Variants in NUP58 observed in about 807,000 individuals in gnomAD.
NUP58 encodes nucleoporin p58/p45.
Under a neutral mutation model 70.1 loss-of-function variants are expected in NUP58, and 17 were observed. The observed-to-expected ratio is 0.24, with a 90% CI of 0.17 to 0.36. NUP58 has a LOEUF of 0.36. Ranked by LOEUF, NUP58 falls within the 10% of genes least tolerant of loss-of-function variation. The probability of loss-of-function intolerance (pLI) is 1.00; values close to 1 mark genes in which losing one functional copy is unlikely to be tolerated. For synonymous variants in NUP58, 275 were observed against 257.6 expected (o/e 1.07, Z -0.65); for missense variants, 644 against 701.5 (o/e 0.92, Z 0.93).
chr13:25,306,708 T>C (rs2137716292), intron 1 of NUP58, among the ~76,000 whole-genome samples: 1 of 152,358 alleles, frequency 6.6e-6, no homozygotes. Flanking sequence ...TTTGGAAGTG[T>C]CAACTTGTCA....
At chr13:25,318,621 A>G (rs927427684) in intron 6 of NUP58, among the ~76,000 whole-genome samples, 2 of 152,228 alleles carry the variant, frequency 1.3e-5, no homozygotes, top group African/African-American at 4.8e-5. Context: ...TTCATGAAAG[A>G]AGAAATATAC....
chr13:25,317,773 CAT>C (rs1299049826), intron 6 of NUP58: 2 of 147,638 alleles, frequency 1.4e-5, no homozygotes, highest in Non-Finnish European at 3.0e-5. Flanking sequence ...AACATGGAAA[CAT>C]AAATTACAGT....
chr13:25,308,919 C>T (rs2030515929), intron 2 of NUP58, among the ~76,000 whole-genome samples: 1 of 152,198 alleles, frequency 6.6e-6, no homozygotes, highest in African/African-American at 2.4e-5. Flanking sequence ...TAAATATGAG[C>T]AGATTAGTCA....
At chr13:25,327,383 C>A (rs1057313920) in intron 11 of NUP58, 47 bp from the exon 12 acceptor site, 2 of 1,212,652 alleles carry the variant, frequency 1.6e-6, no homozygotes, top group Admixed American at 3.9e-5. Flanking sequence ...ATGGATTGTG[C>A]TATATATATG....
At chr13:25,331,980 A>T (rs761388252) in intron 13 of NUP58, 11 of 1,024,634 alleles carry the variant, frequency 1.1e-5, no homozygotes, top group Non-Finnish European at 1.3e-5. Context: ...TTTTCCTCAT[A>T]CATAGTGATT....
At chr13:25,343,337 ATTATAC>A (rs1459570895), downstream of NUP58, among the ~76,000 whole-genome samples, 1 of 151,052 alleles carries the variant, frequency 6.6e-6, no homozygotes, top group East Asian at 1.9e-4. Context: ...ATTTATTATT[ATTATAC>A]TTTAAGTTTT....
chr13:25,337,906 T>C (rs2031840789), intron 14 of NUP58, among the ~76,000 whole-genome samples: 1 of 152,176 alleles, frequency 6.6e-6, no homozygotes, highest in Admixed American at 6.5e-5. Flanking sequence ...CAAAAAAGAA[T>C]TTGAACTTTA....
intron 1 of NUP58, 28 bp downstream of exon 1, chr13:25,301,908 C>A: frequency 6.9e-7 from 1 of 1,450,084 alleles, no homozygotes; most frequent in Non-Finnish European, 9.6e-7. Flanking sequence ...CCTTCCTGGG[C>A]CGGATTCACC....
Position 25,328,487 on chromosome 13 carries a change from C to T in NUP58, c.1233+975C>T, listed in dbSNP as rs955926252. Among the ~76,000 whole-genome samples the T allele has an allele frequency of 3.3e-5, 5 of 149,650 alleles. No homozygotes were observed. In the South Asian group the frequency reaches 1.1e-3, roughly 32 times the overall value. ...CTTGGTTCACTGCAACCTCCACCTC[C>T]TGGGTTCAAGTGATTCTCATGCCTC... On this transcript the variant is annotated intron_variant, in intron 12 of 15. Transcript: ENST00000381736.
chr13:25,328,174 G>C (rs1022361662), intron 12 of NUP58, among the ~76,000 whole-genome samples: 1 of 151,848 alleles, frequency 6.6e-6, no homozygotes, highest in Non-Finnish European at 1.5e-5. Context: ...ACTCCAGCCT[G>C]GGCAACAGAG....
At chr13:25,309,429 GA>G (rs2137726904) in intron 3 of NUP58, 147 bp downstream of exon 3, 2 of 587,164 alleles carry the variant, frequency 3.4e-6, no homozygotes, top group Non-Finnish European at 2.9e-6. Flanking sequence ...ACTTATCGGA[GA>G]ACCTTTCAGT....
chr13:25,335,935 C>A, intron 13 of NUP58: 3 of 1,091,472 alleles, frequency 2.7e-6, no homozygotes, highest in Non-Finnish European at 3.4e-6. Flanking sequence ...ATTATTTATC[C>A]AAATGAGAGA....
At chr13:25,334,801 G>C in intron 13 of NUP58, 1 of 984,724 alleles carries the variant, frequency 1.0e-6, no homozygotes, top group Non-Finnish European at 1.2e-6. Context: ...ACCTGGTTTT[G>C]TTGTGTGTGA....
At chr13:25,336,165 A>G (rs771965756) in intron 13 of NUP58, 12 of 1,356,368 alleles carry the variant, frequency 8.8e-6, no homozygotes, top group Admixed American at 2.0e-5. Context: ...GAATCTGTCA[A>G]GGTACACAGC....
At chr13:25,347,560 C>T (rs1171475313) in intron 3 of NUP58, among the ~76,000 whole-genome samples, 7 of 152,210 alleles carry the variant, frequency 4.6e-5, no homozygotes, top group Admixed American at 1.3e-4. Context: ...AGTGCTCCAA[C>T]GTTTTCACAC....
intron 1 of NUP58, among the ~76,000 whole-genome samples, chr13:25,302,160 G>A (rs2030048384): frequency 6.6e-6 from 1 of 152,258 alleles, no homozygotes; most frequent in East Asian, 1.9e-4. Context: ...GGTCTTGACT[G>A]CGTGGAAGGG....
Position 25,311,829 on chromosome 13 carries a change from A to G in NUP58, c.287-1054A>G, listed in dbSNP as rs187239987. On this transcript the variant is annotated intron_variant, in intron 3 of 15. Coordinates refer to ENST00000381736, the MANE Select transcript of NUP58 (RefSeq NM_014089.4). The stretch of plus-strand genomic sequence containing the variant: ...TTTTTAAGGATGCTTGTAGTACAGG[A>G]TATTTCTGAAGTAGGATCGACAGGA... Among the ~76,000 whole-genome samples, 179 of 152,252 alleles carry G rather than the reference A, an allele frequency of 1.2e-3. 1 individual carries two copies. The highest frequency in any genetic ancestry group is 1.6e-4 in the Non-Finnish European group (11 of 68,020).
At position 25,324,840 on chromosome 13, in the gene NUP58, C is replaced by T. The variant is rs1157180223; in HGVS notation, c.952-149C>T. On this transcript the variant is annotated intron_variant, in intron 9 of 15. Transcript: ENST00000381736. ...AAGGTTTTAGCAACTTGTGAAGCAG[C>T]TTCATCCATAATATGTTCTTATAGC... The T allele has an allele frequency of 4.9e-6, 3 of 613,060 alleles. No individual in the cohort carries two copies. In the African/African-American group the frequency reaches 5.7e-5, roughly 12 times the overall value. The allele number at this position is 613,060 out of a possible 1,614,324, so 38.0% of individuals were successfully genotyped here.
At chr13:25,326,041 G>T (rs2031382343) in intron 10 of NUP58, among the ~76,000 whole-genome samples, 1 of 152,056 alleles carries the variant, frequency 6.6e-6, no homozygotes, top group South Asian at 2.1e-4. Context: ...AACAGTTTGG[G>T]TTATTTGCAG....
Sources: gnomAD v4.1 joint callset for allele counts (sites outside exome capture counted in the v4.1 genomes callset) on GRCh38, gnomAD v4.1.1 for gene constraint, MANE v1.5 for transcripts, NCBI Gene and HGNC (gene_info 2026-07-23, HGNC 2026-07-21) for gene names.